The following FPGT variants were observed in gnomAD, a reference collection of about 807,000 sequenced individuals.
The protein encoded by FPGT is GDP-L-fucose diphosphorylase.
FPGT carries 41 observed loss-of-function variants against 45.8 expected under a neutral mutation model. That is an observed-to-expected ratio of 0.90 (90% CI 0.70 to 1.16). FPGT has a LOEUF of 1.16. FPGT is among the 50% of genes most tolerant of loss of function. FPGT has a pLI of 0.00. For synonymous variants in FPGT, 292 were observed against 247.2 expected, an observed-to-expected ratio of 1.18 and a Z score of -1.70; for missense variants, 755 against 689.1, an observed-to-expected ratio of 1.10 and a Z score of -1.07.
chr1:74,208,401 A>T lies in FPGT; in HGVS notation c.*2569A>T, dbSNP rs1035642413. ...TAAAGATAATTTTTTTCTGAGTTTT[A>T]TCAGCAGTAGAAAAATAAGACCTAC... On this transcript the variant is annotated 3_prime_UTR_variant, in exon 4 of 4. Transcript: ENST00000370898. Among the ~76,000 whole-genome samples the T allele has an allele frequency of 1.3e-5, 2 of 152,018 alleles. No homozygotes were observed. The highest frequency in any genetic ancestry group is 4.8e-5 in the African/African-American group (2 of 41,432).
chr1:74,208,445 A>G lies in FPGT; in HGVS notation c.*2613A>G, dbSNP rs985340158. ...GACCTACATGGATAAGTTTGAAATT[A>G]AACATTTTGTCTCATTTTATAATTT... On this transcript the variant is annotated 3_prime_UTR_variant, in exon 4 of 4. Coordinates refer to ENST00000370898, the MANE Select transcript of FPGT (RefSeq NM_003838.5). Among the ~76,000 whole-genome samples, 4 of 152,088 alleles carry G rather than the reference A, an allele frequency of 2.6e-5. No homozygotes were observed. The highest frequency in any genetic ancestry group is 2.6e-4 in the Admixed American group (4 of 15,256).
chr1:74,204,406 G>A lies in FPGT; in HGVS notation c.359G>A (p.Arg120Gln). Reference protein sequence around the residue: ...LLIHSGGYSQRLPNASALGKI... With the variant: ...LLIHSGGYSQQLPNASALGKI... ...AATTTTATAGGTGGCTACAGTCAAC[G>A]ACTTCCAAATGCAAGTGCTCTGGGA... Residue 120 changes from arginine to glutamine, a missense_variant, in exon 4 of 4, where the codon CGA becomes CAA. Physicochemically the swap from Arg to Gln is conservative, Grantham distance 43. Coordinates refer to ENST00000370898, the MANE Select transcript of FPGT (RefSeq NM_003838.5). The A allele has an allele frequency of 1.3e-6, 2 of 1,579,122 alleles. No individual in the cohort carries two copies. Among genetic ancestry groups the A allele is most frequent in the Non-Finnish European group, 1.7e-6 (2 of 1,163,392 alleles).
Position 74,204,956 on chromosome 1 carries a change from C to T in FPGT, c.909C>T (p.Asp303=), listed in dbSNP as rs759282960. 4.1e-5 allele frequency: 66 copies of T among 1,613,870 alleles called. No homozygotes were observed. In the South Asian group the frequency reaches 6.7e-4, roughly 16 times the overall value. Residue 303 remains aspartate (D), a synonymous_variant, in exon 4 of 4, where the codon GAC becomes GAT. Coordinates refer to ENST00000370898, the MANE Select transcript of FPGT (RefSeq NM_003838.5). ...TLSCEIDAYG[D]FLQALGPGAT... is the part of the protein sequence containing the mutation. ...GCTGTGAAATAGATGCCTATGGTGA[C>T]TTTCTGCAGGCTTTGGGACCTGGAG... is the stretch of plus-strand genomic sequence containing the variant.
rs1427352719 is a variant in FPGT, at chr1:74,205,016, C to T, written c.969C>T (p.Val323=). The T allele has an allele frequency of 6.2e-7, 1 of 1,613,818 alleles. No individual in the cohort carries two copies. The highest frequency in any genetic ancestry group is 1.7e-5 in the Admixed American group (1 of 60,020). ...AGTACACCAGAAACACATCAAATGT[C>T]ATTAAAGAAGAGTCAGAGTTGGTAG... The part of the protein sequence containing the change: ...TVEYTRNTSN[V]IKEESELVEM... Residue 323 remains valine, a synonymous_variant, in exon 4 of 4, where the codon GTC becomes GTT. Transcript: ENST00000370898.
At position 74,205,430 on chromosome 1, in the gene FPGT, T is replaced by C. The variant is rs1270311780; in HGVS notation, c.1383T>C (p.Asn461=). 6.2e-7 allele frequency: 1 copy of C among 1,613,970 alleles called. No homozygotes were observed. Among genetic ancestry groups the C allele is most frequent in the South Asian group, 1.1e-5 (1 of 91,084 alleles). The change falls in exon 4 of 4, where the codon AAT becomes AAC. Residue 461 remains asparagine (N), a synonymous_variant. Coordinates refer to ENST00000370898, the MANE Select transcript of FPGT (RefSeq NM_003838.5). ...TATGTTCCTTAAGCTTAAAGATGAA[T>C]AGATGCTTAAAGTATGCAACTATGG... The part of the protein sequence containing the change: ...SFVCSLSLKM[N]RCLKYATMAF...
chr1:74,205,952 A>G lies in FPGT; in HGVS notation c.*120A>G, dbSNP rs1215369086. On this transcript the variant is annotated 3_prime_UTR_variant, in exon 4 of 4. Transcript: ENST00000370898. ...ACTGTATTAACATAATTGTTGTAGCATAATATTAATAGTGCAAAAGTACAT... is the reference window on the plus strand; with the variant it reads ...ACTGTATTAACATAATTGTTGTAGCGTAATATTAATAGTGCAAAAGTACAT... 3.3e-6 allele frequency: 2 copies of G among 602,800 alleles called. No individual in the cohort carries two copies. The highest frequency in any genetic ancestry group is 5.8e-6 in the Non-Finnish European group (2 of 345,688). 37.3% of individuals were successfully genotyped at this position (602,800 alleles called of 1,614,324 possible).
At position 74,205,677 on chromosome 1, in the gene FPGT, ATGTTAAATGC is replaced by A. The variant is rs756553679; in HGVS notation, c.1637_1646del (p.Asn546ArgfsTer8). 1.4e-5 allele frequency: 23 copies of A among 1,612,578 alleles called. No homozygotes were observed. The Admixed American group carries it at 3.8e-4, about 27-fold the overall frequency. On this transcript the variant is annotated frameshift_variant, in exon 4 of 4. Coordinates refer to ENST00000370898, the MANE Select transcript of FPGT (RefSeq NM_003838.5). LOFTEE classifies it high-confidence loss of function. ...TGACTCAGTTATAACATCCCTAAAG[ATGTTAAATGC>A]TGTTAAGAACAAGTCAGCATTCAGC... is the stretch of plus-strand genomic sequence containing the variant.
rs575609528 is a variant in FPGT at position 74,207,913 on chromosome 1, C to G, written c.*2081C>G. Among the ~76,000 whole-genome samples, 1 of 152,112 alleles carries G rather than the reference C, an allele frequency of 6.6e-6. No homozygotes were observed. The highest frequency in any genetic ancestry group is 2.1e-4 in the South Asian group (1 of 4,822). On this transcript the variant is annotated 3_prime_UTR_variant, in exon 4 of 4. Coordinates refer to ENST00000370898, the MANE Select transcript of FPGT (RefSeq NM_003838.5). ...CATAATCCTGTACAATGCATGGATT[C>G]TGGTTGCTTTGAAATGGTTCTGTTC...
chr1:74,205,675 A>G lies in FPGT; in HGVS notation c.1628A>G (p.Lys543Arg). The change falls in exon 4 of 4, where the codon AAG (lysine) becomes AGG (arginine). Residue 543 changes from lysine to arginine, a missense_variant. Transcript: ENST00000370898. ...AGTGACTCAGTTATAACATCCCTAA[A>G]GATGTTAAATGCTGTTAAGAACAAG... ...SLSDSVITSLKMLNAVKNKSA... is the reference protein window; with the variant it reads ...SLSDSVITSLRMLNAVKNKSA... The G allele has an allele frequency of 1.2e-6, 2 of 1,609,734 alleles. No individual in the cohort carries two copies. Among genetic ancestry groups the G allele is most frequent in the Non-Finnish European group, 1.7e-6 (2 of 1,175,958 alleles).
Position 74,204,830 on chromosome 1 carries a change from T to G in FPGT, c.783T>G (p.Leu261=), listed in dbSNP as rs758964207. 10 of 1,613,738 alleles carry G rather than the reference T, an allele frequency of 6.2e-6. No homozygotes were observed. In the South Asian group the frequency reaches 1.1e-4, roughly 18 times the overall value. ...QDFAGGDIAD[L]KLDSDYVYTD... ...TTGCTGGGGGTGACATTGCCGATCT[T>G]AAATTAGACTCTGACTATGTCTACA... The change falls in exon 4 of 4, where the codon CTT becomes CTG. Residue 261 remains leucine, a synonymous_variant. Coordinates refer to ENST00000370898, the MANE Select transcript of FPGT (RefSeq NM_003838.5).
At position 74,204,803 on chromosome 1, in the gene FPGT, C is replaced by T. The variant is rs1652125116; in HGVS notation, c.756C>T (p.Asp252=). ...VCRPGNFCQQ[D]FAGGDIADLK... ...GACCTGGAAATTTTTGTCAACAGGA[C>T]TTTGCTGGGGGTGACATTGCCGATC... Residue 252 remains aspartate, a synonymous_variant, in exon 4 of 4, where the codon GAC becomes GAT. Transcript: ENST00000370898. The T allele has an allele frequency of 5.0e-6, 8 of 1,613,542 alleles. No homozygotes were observed. Among genetic ancestry groups the T allele is most frequent in the Non-Finnish European group, 6.8e-6 (8 of 1,179,906 alleles).
At position 74,206,401 on chromosome 1, in the gene FPGT, C is replaced by A. The variant is rs374961601; in HGVS notation, c.*569C>A. Reference sequence around the variant, plus strand: ...CTGAAATTGATGATAAAATTTGTATCTCATTAATTTTATCAAAATGAAACT... The same window carrying A: ...CTGAAATTGATGATAAAATTTGTATATCATTAATTTTATCAAAATGAAACT... On this transcript the variant is annotated 3_prime_UTR_variant, in exon 4 of 4. Transcript: ENST00000370898. 6.6e-6 allele frequency: 1 copy of A among 152,024 alleles called. No individual in the cohort carries two copies. Among genetic ancestry groups the A allele is most frequent in the Non-Finnish European group, 1.5e-5 (1 of 67,984 alleles). 9.4% of individuals were successfully genotyped at this position (152,024 alleles called of 1,614,324 possible).
At position 74,205,252 on chromosome 1, in the gene FPGT, T is replaced by C. The variant is rs1023079107; in HGVS notation, c.1205T>C (p.Ile402Thr). Residue 402 changes from isoleucine to threonine, a missense_variant, in exon 4 of 4, where the codon ATC becomes ACC. Transcript: ENST00000370898. ...GAATGCTCTGGCAAAACATCCTGTA[T>C]CATTCAAAGCATACTGGATTCAAGA... ...IPECSGKTSC[I>T]IQSILDSRCS... The C allele has an allele frequency of 2.5e-6, 4 of 1,613,878 alleles. No homozygotes were observed. Among genetic ancestry groups the C allele is most frequent in the African/African-American group, 1.3e-5 (1 of 74,922 alleles).
rs1249071372 is a variant in FPGT, at chr1:74,204,425, T to C, written c.378T>C (p.Ala126=). Residue 126 remains alanine, a synonymous_variant, in exon 4 of 4, where the codon GCT becomes GCC. Coordinates refer to ENST00000370898, the MANE Select transcript of FPGT (RefSeq NM_003838.5). ...GTCAACGACTTCCAAATGCAAGTGC[T>C]CTGGGAAAAATTTTCACTGCTTTAC... ...GYSQRLPNAS[A]LGKIFTALPL... is the part of the protein sequence containing the mutation. 6.3e-7 allele frequency: 1 copy of C among 1,596,360 alleles called. No individual in the cohort carries two copies. The highest frequency in any genetic ancestry group is 8.5e-7 in the Non-Finnish European group (1 of 1,170,920).
chr1:74,205,147 T>C lies in FPGT; in HGVS notation c.1100T>C (p.Phe367Ser), dbSNP rs919135445. The C allele has an allele frequency of 1.2e-6, 2 of 1,613,724 alleles. No individual in the cohort carries two copies. The highest frequency in any genetic ancestry group is 8.5e-7 in the Non-Finnish European group (1 of 1,179,632). ...YHIGTTEEYL[F>S]YFTSDNSLKS... ...ATTGGAACAACCGAAGAATATTTGTTTTACTTTACCTCAGATAACAGTTTA... is the reference window on the plus strand; with the variant it reads ...ATTGGAACAACCGAAGAATATTTGTCTTACTTTACCTCAGATAACAGTTTA... The change falls in exon 4 of 4, where the codon TTT becomes TCT. Residue 367 changes from phenylalanine (F) to serine (S), a missense_variant. Coordinates refer to ENST00000370898, the MANE Select transcript of FPGT (RefSeq NM_003838.5).
chr1:74,201,452 TC>T, intron 3 of FPGT, 42 bp downstream of exon 3: 2 of 1,367,222 alleles, frequency 1.5e-6, no homozygotes, highest in Non-Finnish European at 2.0e-6. Context: ...TTTTTAGTCT[TC>T]CACCTTTAAT....
rs1652315513 is a variant in FPGT at position 74,206,778 on chromosome 1, A to G, written c.*946A>G. ...GAAAAACTGAGATAATACACAGGTG[A>G]TAAACAGTTTCGAGAAAATAAAAAT... On this transcript the variant is annotated 3_prime_UTR_variant, in exon 4 of 4. Transcript: ENST00000370898. 2 of 152,142 alleles carry G rather than the reference A, an allele frequency of 1.3e-5. No individual in the cohort carries two copies. Among genetic ancestry groups the G allele is most frequent in the Admixed American group, 6.6e-5 (1 of 15,260 alleles). 9.4% of individuals were successfully genotyped at this position (152,142 alleles called of 1,614,324 possible).
At chr1:74,199,552 G>T in intron 1 of FPGT, 112 bp from the exon 2 acceptor site, 1 of 1,156,366 alleles carries the variant, frequency 8.6e-7, no homozygotes, top group Non-Finnish European at 1.2e-6. Flanking sequence ...GATACATTTT[G>T]GAAGATGATA....
intron 3 of FPGT, among the ~76,000 whole-genome samples, chr1:74,203,981 G>A (rs1440314825): frequency 1.3e-5 from 2 of 151,562 alleles, no homozygotes; most frequent in Non-Finnish European, 2.9e-5. Flanking sequence ...CACGGAGGTT[G>A]TGGTGAGCCA....
Sources: allele counts gnomAD v4.1 joint callset (sites outside exome capture counted in the v4.1 genomes callset), GRCh38; gene constraint gnomAD v4.1.1; transcripts MANE v1.5; gene names NCBI Gene and HGNC (gene_info 2026-07-23, HGNC 2026-07-21).